The following SYN2 variants were observed in gnomAD, a reference collection of about 807,000 sequenced individuals.
The protein encoded by SYN2 is synapsin-2.
In SYN2, 19 loss-of-function variants were observed where a neutral mutation model predicts 50.9. The observed-to-expected ratio is 0.37, with a 90% CI of 0.26 to 0.55. The LOEUF (loss-of-function observed/expected upper bound fraction) is 0.55, where lower values mean the gene tolerates loss of function less well. Among genes scored for constraint, SYN2 ranks in the 20% least tolerant of loss-of-function variants. The pLI, the probability that SYN2 is intolerant of heterozygous loss-of-function variation, is 0.81. For synonymous variants in SYN2, 255 were observed against 224.9 expected (o/e 1.13, Z -1.20); for missense variants, 587 against 576.4 (o/e 1.02, Z -0.19).
intron 1 of SYN2, among the ~76,000 whole-genome samples, chr3:12,046,410 G>C (rs1421107717): frequency 6.6e-6 from 1 of 152,128 alleles, no homozygotes; most frequent in Non-Finnish European, 1.5e-5. Flanking sequence ...CTGGAATGTA[G>C]AGAGGGGGAG....
At chr3:12,178,125 C>CT (rs1698129321) in intron 10 of SYN2, among the ~76,000 whole-genome samples, 1 of 152,220 alleles carries the variant, frequency 6.6e-6, no homozygotes. Flanking sequence ...CTCATTCTCC[C>CT]TGGGGTCCTA....
At chr3:12,153,720 CATGGCCACACA>C in intron 5 of SYN2, 1 of 1,614,132 alleles carries the variant, frequency 6.2e-7, no homozygotes, top group East Asian at 2.2e-5. Context: ...GATCTAGAGT[CATGGCCACACA>C]ACATTAAAGT....
At chr3:12,059,944 T>C (rs1473322773) in intron 1 of SYN2, among the ~76,000 whole-genome samples, 1 of 152,182 alleles carries the variant, frequency 6.6e-6, no homozygotes, top group Non-Finnish European at 1.5e-5. Flanking sequence ...TACCTAGCCT[T>C]GCTCAAGAAA....
chr3:12,052,391 G>T (rs903111244), intron 1 of SYN2, among the ~76,000 whole-genome samples: 10 of 151,986 alleles, frequency 6.6e-5, no homozygotes, highest in African/African-American at 2.4e-4. Context: ...AATTAATGCA[G>T]TGCCTGAGGA....
chr3:12,136,491 C>T (rs1696895419), intron 1 of SYN2, among the ~76,000 whole-genome samples: 1 of 152,202 alleles, frequency 6.6e-6, no homozygotes, highest in African/African-American at 2.4e-5. Context: ...GCTTCCCTGG[C>T]TTCTATTTCT....
chr3:12,045,959 G>A (rs1008002350), intron 1 of SYN2, among the ~76,000 whole-genome samples: 2 of 152,158 alleles, frequency 1.3e-5, no homozygotes, highest in Admixed American at 1.3e-4. Context: ...TGAATAACTT[G>A]CTTCTTTCAT....
chr3:12,037,438 C>A (rs1028620265), intron 1 of SYN2, among the ~76,000 whole-genome samples: 1 of 152,140 alleles, frequency 6.6e-6, no homozygotes, highest in Non-Finnish European at 1.5e-5. Context: ...ATAATAGATA[C>A]AAACATTTAT....
chr3:12,171,633 A>G (rs1697938545), intron 10 of SYN2, among the ~76,000 whole-genome samples: 1 of 152,230 alleles, frequency 6.6e-6, no homozygotes, highest in Admixed American at 6.5e-5. Context: ...ACTAAAGTAA[A>G]GGCCGTGCTA....
chr3:12,154,377 C>G (rs202136749), intron 5 of SYN2: 1 of 1,614,096 alleles, frequency 6.2e-7, no homozygotes, highest in Non-Finnish European at 8.5e-7. Flanking sequence ...TCCCTCTGCA[C>G]CAAGGACAGG....
chr3:12,189,748 G>A lies in SYN2; in HGVS notation c.1614-742G>A, dbSNP rs574727167. ...AACCGGGAGGCGGAGGTTGCAGTGA[G>A]CAGAGATCGCACCACTGCACTCCAG... On this transcript the variant is annotated intron_variant, in intron 12 of 12. Transcript: ENST00000621198. Among the ~76,000 whole-genome samples the A allele has an allele frequency of 2.6e-5, 4 of 152,186 alleles. No individual in the cohort carries two copies. In the East Asian group the frequency reaches 7.7e-4, roughly 29 times the overall value.
chr3:12,147,474 A>G (rs1406938619), intron 4 of SYN2, among the ~76,000 whole-genome samples: 1 of 152,188 alleles, frequency 6.6e-6, no homozygotes, highest in African/African-American at 2.4e-5. Flanking sequence ...GAAACACGCT[A>G]ACAGAGTGTG....
chr3:12,115,666 T>TC (rs1396270211), intron 1 of SYN2, among the ~76,000 whole-genome samples: 1 of 152,166 alleles, frequency 6.6e-6, no homozygotes, highest in Non-Finnish European at 1.5e-5. Flanking sequence ...GGAACTTAAA[T>TC]CCCAAGGGGT....
chr3:12,098,856 C>CATAT (rs35420190), intron 1 of SYN2, among the ~76,000 whole-genome samples: 25,763 of 133,156 alleles, frequency 0.19, 2,890 homozygotes, highest in East Asian at 0.43. Flanking sequence ...AAAGCAAAAG[C>CATAT]ATATATATAT....
Position 12,037,277 on chromosome 3 carries a change from C to T in SYN2, c.377+32349C>T, listed in dbSNP as rs186110215. Among the ~76,000 whole-genome samples, 8 of 152,314 alleles carry T rather than the reference C, an allele frequency of 5.3e-5. No homozygotes were observed. The East Asian group carries it at 1.5e-3, about 29-fold the overall frequency. On this transcript the variant is annotated intron_variant, in intron 1 of 12. Coordinates refer to ENST00000621198, the MANE Select transcript of SYN2 (RefSeq NM_133625.6). Reference sequence around the variant, plus strand: ...GGCAGTCTAGCCTTTTTCTAGCCTGCTTCTCCAGATTCTTCTAGTCTCTAC... The same window carrying T: ...GGCAGTCTAGCCTTTTTCTAGCCTGTTTCTCCAGATTCTTCTAGTCTCTAC...
intron 1 of SYN2, among the ~76,000 whole-genome samples, chr3:12,114,558 T>C (rs565189865): frequency 6.6e-6 from 1 of 152,272 alleles, no homozygotes; most frequent in East Asian, 1.9e-4. Context: ...TCTAACAGTT[T>C]TATAGTTTTA....
At position 12,075,843 on chromosome 3, in the gene SYN2, T is replaced by A. The variant is rs1034233143; in HGVS notation, c.378-64808T>A. Among the ~76,000 whole-genome samples, 4 of 152,156 alleles carry A rather than the reference T, an allele frequency of 2.6e-5. No individual in the cohort carries two copies. The East Asian group carries it at 7.7e-4, about 29-fold the overall frequency. ...TGCAACACTAGGCCACATGTGGGATTTTTAAAACAATGAATTAGTCACTGT... is the reference window on the plus strand; with the variant it reads ...TGCAACACTAGGCCACATGTGGGATATTTAAAACAATGAATTAGTCACTGT... On this transcript the variant is annotated intron_variant, in intron 1 of 12. Coordinates refer to ENST00000621198, the MANE Select transcript of SYN2 (RefSeq NM_133625.6).
chr3:12,118,749 G>T (rs1262642806), intron 1 of SYN2, among the ~76,000 whole-genome samples: 1 of 152,060 alleles, frequency 6.6e-6, no homozygotes, highest in Non-Finnish European at 1.5e-5. Flanking sequence ...CTTGGCAAAA[G>T]TTTAACACAG....
chr3:12,045,468 G>A (rs1470265418), intron 1 of SYN2, among the ~76,000 whole-genome samples: 2 of 152,174 alleles, frequency 1.3e-5, no homozygotes, highest in East Asian at 3.9e-4. Flanking sequence ...TGTCTCTACT[G>A]TTTTCCAATT....
At chr3:12,065,387 A>G (rs1695194639) in intron 1 of SYN2, among the ~76,000 whole-genome samples, 1 of 152,196 alleles carries the variant, frequency 6.6e-6, no homozygotes, top group Non-Finnish European at 1.5e-5. Context: ...TGTTCTACCA[A>G]AAAAACACAT....
Sources: gnomAD v4.1 joint callset for allele counts (sites outside exome capture counted in the v4.1 genomes callset) on GRCh38, gnomAD v4.1.1 for gene constraint, MANE v1.5 for transcripts, NCBI Gene and HGNC (gene_info 2026-07-23, HGNC 2026-07-21) for gene names.